Variants in EPCIP observed in about 807,000 individuals in gnomAD.
The protein encoded by EPCIP is exosomal polycystin-1-interacting protein.
the EPCIP span, among the ~76,000 whole-genome samples, chr21:32,812,229 G>C: frequency 2.6e-5 from 4 of 152,098 alleles, no homozygotes; most frequent in African/African-American, 9.7e-5. Context: ...AATCCTTCAG[G>C]CTTTCCCCTT....
chr21:32,799,877 G>T, the EPCIP span, among the ~76,000 whole-genome samples: 1 of 152,222 alleles, frequency 6.6e-6, no homozygotes, highest in Non-Finnish European at 1.5e-5. Context: ...GGGAGGCAGA[G>T]GTTGCCGTGA....
chr21:32,794,231 T>G, the EPCIP span: 1 of 1,614,250 alleles, frequency 6.2e-7, no homozygotes, highest in Non-Finnish European at 8.5e-7. Context: ...CAGGACGGTT[T>G]TACAGTTGCA....
chr21:32,800,574 C>G, the EPCIP span, among the ~76,000 whole-genome samples: 5 of 152,126 alleles, frequency 3.3e-5, no homozygotes, highest in African/African-American at 1.2e-4. Flanking sequence ...TCCCAGCACT[C>G]TGGGAGGCCA....
chr21:32,802,942 G>T, the EPCIP span, among the ~76,000 whole-genome samples: 1 of 152,160 alleles, frequency 6.6e-6, no homozygotes, highest in Non-Finnish European at 1.5e-5. Context: ...AACACAGCTT[G>T]CCTGGGAACG....
the EPCIP span, chr21:32,793,857 C>T: frequency 6.8e-6 from 11 of 1,613,878 alleles, no homozygotes; most frequent in East Asian, 4.5e-5. Flanking sequence ...ATGCTGGTAA[C>T]GTTTTCAATA....
the EPCIP span, among the ~76,000 whole-genome samples, chr21:32,804,275 TTATATA>T: frequency 1.4e-5 from 2 of 140,960 alleles, no homozygotes; most frequent in East Asian, 2.1e-4. Flanking sequence ...ATGCATGTGA[TTATATA>T]TATATATATA....
chr21:32,802,378 G>A, the EPCIP span, among the ~76,000 whole-genome samples: 1 of 152,296 alleles, frequency 6.6e-6, no homozygotes, highest in South Asian at 2.1e-4. Flanking sequence ...CTCCTGTGAG[G>A]TAAGCTCCCT....
the EPCIP span, chr21:32,797,588 G>A: frequency 1.3e-5 from 2 of 153,052 alleles, no homozygotes; most frequent in Admixed American, 6.5e-5. Context: ...TTTCACTGGG[G>A]TAAAGACCTT....
the EPCIP span, among the ~76,000 whole-genome samples, chr21:32,806,173 A>T: frequency 6.6e-6 from 1 of 152,198 alleles, no homozygotes. Flanking sequence ...CCCCCTGCCC[A>T]GGCAAGAAAG....
chr21:32,808,625 G>T, the EPCIP span, among the ~76,000 whole-genome samples: 2 of 152,168 alleles, frequency 1.3e-5, no homozygotes, highest in African/African-American at 4.8e-5. Context: ...TGGGAATGAT[G>T]ACTAAAGGTA....
At chr21:32,792,913 T>C in the EPCIP span, among the ~76,000 whole-genome samples, 1 of 66,450 alleles carries the variant, frequency 1.5e-5, no homozygotes, top group Non-Finnish European at 3.5e-5. Context: ...TTTATTATTA[T>C]TATTTTTTTT....
the EPCIP span, among the ~76,000 whole-genome samples, chr21:32,802,337 C>T: frequency 6.6e-6 from 1 of 152,156 alleles, no homozygotes; most frequent in African/African-American, 2.4e-5. Context: ...TGAATATTTT[C>T]AGCTCTACCC....
At chr21:32,794,402 T>G in the EPCIP span, 1 of 1,612,820 alleles carries the variant, frequency 6.2e-7, no homozygotes, top group Non-Finnish European at 8.5e-7. Flanking sequence ...AAGAAGACAG[T>G]GCCTGGAAGG....
chr21:32,796,311 A>G, the EPCIP span, among the ~76,000 whole-genome samples: 2 of 152,234 alleles, frequency 1.3e-5, no homozygotes, highest in Non-Finnish European at 2.9e-5. Context: ...GGCAGGGCCC[A>G]GCCTGGGCTG....
chr21:32,809,329 T>TTTCTTTCTTTC, the EPCIP span, among the ~76,000 whole-genome samples: 1 of 144,850 alleles, frequency 6.9e-6, no homozygotes, highest in Non-Finnish European at 1.5e-5. Context: ...TCTTTCTTTC[T>TTTCTTTCTTTC]TTCTTTCTTT....
chr21:32,803,154 C>T, the EPCIP span, among the ~76,000 whole-genome samples: 1 of 152,194 alleles, frequency 6.6e-6, no homozygotes, highest in Non-Finnish European at 1.5e-5. Context: ...CCTCTTAACT[C>T]CCTGATCATC....
chr21:32,794,129 A>G, the EPCIP span: 1 of 1,614,238 alleles, frequency 6.2e-7, no homozygotes, highest in Non-Finnish European at 8.5e-7. Context: ...GTCTTGGACC[A>G]GCGTGAAGTT....
the EPCIP span, among the ~76,000 whole-genome samples, chr21:32,799,392 A>G: frequency 1.3e-5 from 2 of 152,194 alleles, no homozygotes; most frequent in African/African-American, 2.4e-5. Context: ...AGAATCTTCA[A>G]GGATTTTTGC....
chr21:32,794,219 G>C, the EPCIP span: 7 of 1,614,256 alleles, frequency 4.3e-6, no homozygotes, highest in Non-Finnish European at 5.9e-6. Context: ...TACTGCAAGG[G>C]GCAGGACGGT....
Sources: allele counts gnomAD v4.1 joint callset (sites outside exome capture counted in the v4.1 genomes callset), GRCh38; gene constraint gnomAD v4.1.1; transcripts MANE v1.5; gene names NCBI Gene and HGNC (gene_info 2026-07-23, HGNC 2026-07-21).